SKAP2: variants seen among roughly 807,000 people sequenced by gnomAD.
The protein encoded by SKAP2 is src kinase associated phosphoprotein 2, also known as src kinase-associated phosphoprotein 2.
A neutral mutation model predicts 54.9 loss-of-function variants in SKAP2; 28 were observed. The observed-to-expected ratio is 0.51, with a 90% CI of 0.38 to 0.70. SKAP2 has a LOEUF of 0.70. Ranked by LOEUF, SKAP2 falls within the 30% of genes least tolerant of loss-of-function variation. The pLI, the probability that SKAP2 is intolerant of heterozygous loss-of-function variation, is 0.00. For synonymous variants in SKAP2, 137 were observed against 134.3 expected, an observed-to-expected ratio of 1.02 and a Z score of -0.14; for missense variants, 356 against 424.1, an observed-to-expected ratio of 0.84 and a Z score of 1.41.
At chr7:26,747,883 T>C (rs780028704) in intron 4 of SKAP2, among the ~76,000 whole-genome samples, 4 of 150,430 alleles carry the variant, frequency 2.7e-5, no homozygotes, top group African/African-American at 9.7e-5. Context: ...CTAATTTCCA[T>C]AGAAATCTAC....
chr7:26,763,369 G>C (rs926083338), intron 4 of SKAP2, among the ~76,000 whole-genome samples: 3 of 151,736 alleles, frequency 2.0e-5, no homozygotes, highest in African/African-American at 7.3e-5. Flanking sequence ...AATTTACAAA[G>C]GCAAAAAAAA....
At chr7:26,806,331 T>C (rs566467465) in intron 4 of SKAP2, among the ~76,000 whole-genome samples, 28 of 152,254 alleles carry the variant, frequency 1.8e-4, no homozygotes, top group African/African-American at 6.5e-4. Flanking sequence ...AGTGGGAGGA[T>C]CACTTGAGCC....
chr7:26,778,832 T>A (rs1783367195), intron 4 of SKAP2, among the ~76,000 whole-genome samples: 1 of 151,600 alleles, frequency 6.6e-6, no homozygotes, highest in Admixed American at 6.6e-5. Flanking sequence ...CAAAATAAAT[T>A]TATTTCCTCT....
intron 9 of SKAP2, among the ~76,000 whole-genome samples, chr7:26,700,177 T>G (rs1786991636): frequency 6.6e-6 from 1 of 152,192 alleles, no homozygotes; most frequent in African/African-American, 2.4e-5. Flanking sequence ...TAGCACTCTT[T>G]GGACACAGCT....
intron 4 of SKAP2, among the ~76,000 whole-genome samples, chr7:26,755,235 T>C (rs553978430): frequency 5.3e-5 from 8 of 149,580 alleles, no homozygotes; most frequent in South Asian, 2.1e-4. Context: ...CTTTTACAAA[T>C]ACAAAAATAA....
intron 4 of SKAP2, among the ~76,000 whole-genome samples, chr7:26,778,893 C>T (rs1783368330): frequency 6.6e-6 from 1 of 151,858 alleles, no homozygotes; most frequent in Admixed American, 6.6e-5. Flanking sequence ...CAATGATCTT[C>T]ACTGTCAACA....
At chr7:26,680,241 G>A (rs932880355) in intron 11 of SKAP2, among the ~76,000 whole-genome samples, 1 of 152,152 alleles carries the variant, frequency 6.6e-6, no homozygotes, top group Non-Finnish European at 1.5e-5. Flanking sequence ...AGAAGAGCAA[G>A]ATAGAATAAC....
chr7:26,680,334 A>G (rs1257868030), intron 11 of SKAP2, among the ~76,000 whole-genome samples: 1 of 152,206 alleles, frequency 6.6e-6, no homozygotes, highest in Non-Finnish European at 1.5e-5. Flanking sequence ...TAAAATTTCA[A>G]AAACATGGTT....
intron 4 of SKAP2, among the ~76,000 whole-genome samples, chr7:26,792,109 A>AAT (rs1783683153): frequency 6.6e-6 from 1 of 152,216 alleles, no homozygotes; most frequent in Admixed American, 6.5e-5. Context: ...CATATTGTAT[A>AAT]ATACTATTGA....
chr7:26,823,103 A>G (rs915805794), intron 4 of SKAP2, among the ~76,000 whole-genome samples: 2 of 151,850 alleles, frequency 1.3e-5, no homozygotes, highest in East Asian at 1.9e-4. Flanking sequence ...CAAAAGTGCT[A>G]CTCCAGTGAA....
intron 1 of SKAP2, among the ~76,000 whole-genome samples, chr7:26,861,249 TAAATC>T (rs1375920200): frequency 6.6e-6 from 1 of 151,940 alleles, no homozygotes; most frequent in East Asian, 1.9e-4. Flanking sequence ...AAAAATCACA[TAAATC>T]AAGATTATTC....
intron 9 of SKAP2, among the ~76,000 whole-genome samples, chr7:26,707,710 A>C (rs984699083): frequency 1.3e-5 from 2 of 152,140 alleles, no homozygotes; most frequent in East Asian, 1.9e-4. Flanking sequence ...GGCCTGTGAG[A>C]AGCACAGAGA....
intron 4 of SKAP2, among the ~76,000 whole-genome samples, chr7:26,774,207 G>A (rs529326677): frequency 6.6e-6 from 1 of 152,246 alleles, no homozygotes; most frequent in East Asian, 1.9e-4. Flanking sequence ...CAGCTACTCA[G>A]GAGGCTGAGG....
chr7:26,743,835 A>G (rs1157962784), intron 4 of SKAP2, among the ~76,000 whole-genome samples: 1 of 152,212 alleles, frequency 6.6e-6, no homozygotes, highest in Non-Finnish European at 1.5e-5. Flanking sequence ...ATAAACAAGT[A>G]TCAAGTGCCT....
intron 4 of SKAP2, among the ~76,000 whole-genome samples, chr7:26,770,588 G>A (rs10226612): frequency 0.085 from 12,922 of 152,240 alleles, 611 homozygotes; most frequent in Middle Eastern, 0.16. Flanking sequence ...GGTGGCATAG[G>A]CACCCAAGGG....
intron 6 of SKAP2, among the ~76,000 whole-genome samples, chr7:26,737,402 A>T (rs1336973982): frequency 6.6e-6 from 1 of 152,216 alleles, no homozygotes; most frequent in African/African-American, 2.4e-5. Context: ...TAAATTAGTG[A>T]TGGAATGCAA....
rs1201708352 is a variant in SKAP2 at position 26,727,951 on chromosome 7, T to C, written c.470-945A>G. Among the ~76,000 whole-genome samples the C allele has an allele frequency of 2.0e-5, 3 of 152,242 alleles. No homozygotes were observed. The East Asian group carries it at 5.8e-4, about 29-fold the overall frequency. On this transcript the variant is annotated intron_variant, in intron 6 of 12. Transcript: ENST00000345317. ...CAAATACAGAAATGCTTTCGTGTTG[T>C]GGGGTGTGCTTTCTCAGTTCAGTGT...
At chr7:26,842,448 G>A (rs12535784) in intron 4 of SKAP2, among the ~76,000 whole-genome samples, 32,187 of 151,526 alleles carry the variant, frequency 0.21, 3,501 homozygotes, top group Non-Finnish European at 0.24. Context: ...ACAAGCTACT[G>A]GAAGATTTCT....
intron 9 of SKAP2, among the ~76,000 whole-genome samples, chr7:26,691,574 C>G (rs1234483751): frequency 6.6e-6 from 1 of 152,188 alleles, no homozygotes; most frequent in Non-Finnish European, 1.5e-5. Context: ...GTAAAAGTAA[C>G]AGGAAGCCTC....
Sources: gnomAD v4.1 joint callset for allele counts (sites outside exome capture counted in the v4.1 genomes callset) on GRCh38, gnomAD v4.1.1 for gene constraint, MANE v1.5 for transcripts, NCBI Gene and HGNC (gene_info 2026-07-23, HGNC 2026-07-21) for gene names.